ZNHIT6: variants seen among roughly 807,000 people sequenced by gnomAD.
ZNHIT6 encodes box C/D snoRNA protein 1.
Under a neutral mutation model 57.2 loss-of-function variants are expected in ZNHIT6, and 45 were observed. That is an observed-to-expected ratio of 0.79 (90% CI 0.62 to 1.01). ZNHIT6 has a LOEUF of 1.01. Ranked by LOEUF, ZNHIT6 falls within the 50% of genes least tolerant of loss-of-function variation. The pLI, the probability that ZNHIT6 is intolerant of heterozygous loss-of-function variation, is 0.00. For missense variants in ZNHIT6, 528 were observed against 567.3 expected (o/e 0.93, Z 0.70); for synonymous variants, 188 against 190.0 (o/e 0.99, Z 0.09).
chr1:85,708,292 C>G lies in ZNHIT6; in HGVS notation c.-8G>C, dbSNP rs753123857. On this transcript the variant is annotated 5_prime_UTR_variant, in exon 1 of 10. Transcript: ENST00000370574. Reference sequence around the variant, plus strand: ...TTCAGCAGCAAACTCCATCAACTCACGATCCTTGGCCTCTGCTGCCACTCT... The same window carrying G: ...TTCAGCAGCAAACTCCATCAACTCAGGATCCTTGGCCTCTGCTGCCACTCT... 1.3e-6 allele frequency: 2 copies of G among 1,588,420 alleles called. No homozygotes were observed. The highest frequency in any genetic ancestry group is 3.4e-5 in the Admixed American group (2 of 59,294).
chr1:85,682,623 T>C (rs1306513802), intron 5 of ZNHIT6, among the ~76,000 whole-genome samples: 1 of 152,174 alleles, frequency 6.6e-6, no homozygotes, highest in Non-Finnish European at 1.5e-5. Flanking sequence ...TTGCTATACA[T>C]TGCCAAATTA....
In ZNHIT6 at chr1:85,661,541, T is replaced by C. The variant is rs183957507; in HGVS notation, c.1248-3570A>G. On this transcript the variant is annotated intron_variant, in intron 8 of 9. Coordinates refer to ENST00000370574, the MANE Select transcript of ZNHIT6 (RefSeq NM_017953.4). ...ATTAGCAGTGAACATACTGCCTTTA[T>C]GTGCATTTTGCATTTTAAATGTAGC... Among the ~76,000 whole-genome samples the C allele has an allele frequency of 3.3e-5, 5 of 152,366 alleles. No individual in the cohort carries two copies. In the East Asian group the frequency reaches 5.8e-4, roughly 18 times the overall value.
At position 85,649,813 on chromosome 1, in the gene ZNHIT6, C is replaced by T. The variant is rs1660854108; in HGVS notation, c.*4245G>A. On this transcript the variant is annotated 3_prime_UTR_variant, in exon 10 of 10. Transcript: ENST00000370574. ...TGGAAACATATGCTATGTGCATCTG[C>T]TCAAACTAGCAACAACATGATGTCA... The T allele has an allele frequency of 1.3e-5, 2 of 151,696 alleles. No homozygotes were observed. The highest frequency in any genetic ancestry group is 2.9e-5 in the Non-Finnish European group (2 of 67,960). 9.4% of individuals were successfully genotyped at this position (151,696 alleles called of 1,614,324 possible). A position where few individuals can be genotyped will look rare whatever the true frequency, so the allele number is the denominator to read the frequency against.
intron 5 of ZNHIT6, among the ~76,000 whole-genome samples, chr1:85,694,720 A>T (rs1223419132): frequency 6.6e-6 from 1 of 152,220 alleles, no homozygotes; most frequent in Non-Finnish European, 1.5e-5. Context: ...TTGGCCTCTC[A>T]AAGTGCTGGG....
chr1:85,665,480 C>A (rs1391369330), intron 8 of ZNHIT6, among the ~76,000 whole-genome samples: 1 of 152,008 alleles, frequency 6.6e-6, no homozygotes. Flanking sequence ...CATAATCAAG[C>A]TAATTAACAT....
Position 85,651,833 on chromosome 1 carries a change from GGGTTTTC to G in ZNHIT6, c.*2218_*2224del. ...TGGGTCTCAATGCTACAAACATCTA[GGGTTTTC>G]AGTTAGTTATTCCAATTTCATTCTC... On this transcript the variant is annotated 3_prime_UTR_variant, in exon 10 of 10. Transcript: ENST00000370574. 1 of 152,228 alleles carries G rather than the reference GGGTTTTC, an allele frequency of 6.6e-6. No individual in the cohort carries two copies. The highest frequency in any genetic ancestry group is 6.5e-5 in the Admixed American group (1 of 15,284). The allele number at this position is 152,228 out of a possible 1,614,324, so 9.4% of individuals were successfully genotyped here.
In ZNHIT6 at chr1:85,694,868, C is replaced by T. The variant is rs535751011; in HGVS notation, c.1019+7289G>A. The stretch of plus-strand genomic sequence containing the variant: ...AACTTGGGAGGAGGTGGTAGGTATT[C>T]CCATAGGGGGCAGTAAAGACTTCTG... On this transcript the variant is annotated intron_variant, in intron 5 of 9. Transcript: ENST00000370574. Among the ~76,000 whole-genome samples, 4 of 152,204 alleles carry T rather than the reference C, an allele frequency of 2.6e-5. No individual in the cohort carries two copies. In the South Asian group the frequency reaches 6.2e-4, roughly 24 times the overall value.
chr1:85,684,694 C>T (rs978072897), intron 5 of ZNHIT6, among the ~76,000 whole-genome samples: 1 of 152,126 alleles, frequency 6.6e-6, no homozygotes, highest in African/African-American at 2.4e-5. Flanking sequence ...TCAGTCTCTC[C>T]GTGGCCCATT....
intron 5 of ZNHIT6, among the ~76,000 whole-genome samples, chr1:85,700,957 C>T (rs145423818): frequency 7.9e-5 from 12 of 152,132 alleles, no homozygotes; most frequent in Admixed American, 2.0e-4. Context: ...CAGGTGGGTG[C>T]CACTGCACCT....
At chr1:85,701,446 A>C (rs1347762203) in intron 5 of ZNHIT6, among the ~76,000 whole-genome samples, 2 of 152,224 alleles carry the variant, frequency 1.3e-5, no homozygotes, top group Admixed American at 6.5e-5. Context: ...TGGCTACTTA[A>C]AGAACTTTGG....
chr1:85,660,036 AG>A (rs1238876893), intron 8 of ZNHIT6, among the ~76,000 whole-genome samples: 1 of 152,202 alleles, frequency 6.6e-6, no homozygotes, highest in Non-Finnish European at 1.5e-5. Context: ...ATACTTTAAA[AG>A]TGTTTCCAGC....
intron 8 of ZNHIT6, among the ~76,000 whole-genome samples, chr1:85,663,554 G>C (rs1341415600): frequency 6.6e-6 from 1 of 152,198 alleles, no homozygotes; most frequent in Admixed American, 6.5e-5. Flanking sequence ...TGCACAGGTA[G>C]TCTGCTAGGT....
intron 8 of ZNHIT6, among the ~76,000 whole-genome samples, chr1:85,667,304 T>G (rs1661394989): frequency 6.6e-6 from 1 of 152,176 alleles, no homozygotes; most frequent in Admixed American, 6.5e-5. Flanking sequence ...CATTCATACT[T>G]ACTATATTCC....
intron 8 of ZNHIT6, among the ~76,000 whole-genome samples, chr1:85,669,338 A>G (rs1661486462): frequency 6.6e-6 from 1 of 151,994 alleles, no homozygotes; most frequent in African/African-American, 2.4e-5. Context: ...CTTCACTGAA[A>G]ACGATTTTAA....
At chr1:85,657,753 T>C in intron 9 of ZNHIT6, 94 bp downstream of exon 9, 2 of 1,251,082 alleles carry the variant, frequency 1.6e-6, no homozygotes, top group Non-Finnish European at 1.1e-6. Flanking sequence ...GTAAATATAG[T>C]GGGAAAACAC....
rs201029574 is a variant in ZNHIT6 at position 85,708,103 on chromosome 1, T to A, written c.182A>T (p.Glu61Val). Residue 61 changes from glutamate to valine, a missense_variant, in exon 1 of 10, where the codon GAG becomes GTG. Transcript: ENST00000370574. ...LTGIKEIGDG[E>V]EGSGQRPEEI... ...CTCTGGCCTTTGTCCACTTCCTTCC[T>A]CTCCATCCCCTATCTCCTTTATCCC... 3.4e-5 allele frequency: 55 copies of A among 1,614,052 alleles called. 2 individuals are homozygous for A. In the South Asian group the frequency reaches 5.9e-4, roughly 17 times the overall value.
intron 8 of ZNHIT6, among the ~76,000 whole-genome samples, chr1:85,662,035 A>G (rs1661237944): frequency 1.3e-5 from 2 of 152,182 alleles, no homozygotes; most frequent in African/African-American, 2.4e-5. Flanking sequence ...ATATATAAAT[A>G]AAAGTTGTCA....
chr1:85,681,645 T>G (rs573521104), intron 5 of ZNHIT6, among the ~76,000 whole-genome samples: 123 of 152,272 alleles, frequency 8.1e-4, no homozygotes, highest in African/African-American at 2.9e-3. Context: ...ACTACCGATA[T>G]CTCCTTAAAA....
At chr1:85,694,587 G>A (rs369355771) in intron 5 of ZNHIT6, among the ~76,000 whole-genome samples, 2 of 151,768 alleles carry the variant, frequency 1.3e-5, no homozygotes, top group Non-Finnish European at 2.9e-5. Flanking sequence ...TCAGCCTCCC[G>A]CGTAGCTGGG....
Sources: allele counts gnomAD v4.1 joint callset (sites outside exome capture counted in the v4.1 genomes callset), GRCh38; gene constraint gnomAD v4.1.1; transcripts MANE v1.5; gene names NCBI Gene and HGNC (gene_info 2026-07-23, HGNC 2026-07-21).